The following HTR4 variants were observed in gnomAD, a reference collection of about 807,000 sequenced individuals.
HTR4 encodes the protein 5-hydroxytryptamine receptor 4, also known as 5-hydroxytryptamine (serotonin) receptor 4, G protein-coupled.
HTR4 carries 16 observed loss-of-function variants against 36.8 expected under a neutral mutation model. The observed-to-expected ratio is 0.43, with a 90% CI of 0.29 to 0.66. The LOEUF (loss-of-function observed/expected upper bound fraction) is 0.66, where lower values mean the gene tolerates loss of function less well. Ranked by LOEUF, HTR4 falls within the 30% of genes least tolerant of loss-of-function variation. The pLI is 0.13. For synonymous variants in HTR4, 189 were observed against 185.1 expected (o/e 1.02, Z -0.17); for missense variants, 438 against 490.9 (o/e 0.89, Z 1.02).
intron 2 of HTR4, among the ~76,000 whole-genome samples, chr5:148,592,698 C>T (rs1320859237): frequency 1.3e-5 from 2 of 152,038 alleles, no homozygotes; most frequent in East Asian, 3.8e-4. Context: ...TTCCAGCCAT[C>T]ATTTTTTGAA....
At chr5:148,605,464 G>A (rs1276944544) in intron 2 of HTR4, among the ~76,000 whole-genome samples, 1 of 151,352 alleles carries the variant, frequency 6.6e-6, no homozygotes, top group Non-Finnish European at 1.5e-5. Flanking sequence ...CACCATGTTG[G>A]CCAGGCTGGT....
chr5:148,466,913 G>A (rs1755444197), intron 5 of HTR4, among the ~76,000 whole-genome samples: 1 of 152,114 alleles, frequency 6.6e-6, no homozygotes, highest in Non-Finnish European at 1.5e-5. Flanking sequence ...AGCTCTCTTA[G>A]TGTTACCATC....
intron 3 of HTR4, among the ~76,000 whole-genome samples, chr5:148,549,347 T>C (rs1040035668): frequency 3.3e-5 from 5 of 152,202 alleles, no homozygotes; most frequent in Admixed American, 1.3e-4. Flanking sequence ...CTGGCTACTG[T>C]GTACTCACAT....
At chr5:148,582,452 C>A (rs1037350546) in intron 2 of HTR4, among the ~76,000 whole-genome samples, 1 of 149,740 alleles carries the variant, frequency 6.7e-6, no homozygotes, top group Admixed American at 6.6e-5. Flanking sequence ...CCTCCTTCAT[C>A]CCCCCTTCAT....
intron 2 of HTR4, among the ~76,000 whole-genome samples, chr5:148,608,120 G>A (rs1331646866): frequency 1.3e-5 from 2 of 152,108 alleles, no homozygotes; most frequent in East Asian, 3.9e-4. Context: ...TGAAGAGCTG[G>A]TTTATCAAGC....
chr5:148,628,472 T>C (rs1207801227), intron 2 of HTR4: 1 of 152,236 alleles, frequency 6.6e-6, no homozygotes, highest in Non-Finnish European at 1.5e-5. Context: ...TTCCTTTTAT[T>C]GTCGAAATCC....
intron 5 of HTR4, among the ~76,000 whole-genome samples, chr5:148,522,205 G>A (rs1758054752): frequency 6.6e-6 from 1 of 152,166 alleles, no homozygotes; most frequent in African/African-American, 2.4e-5. Flanking sequence ...GGAACTGTGA[G>A]TCCATTAAGC....
chr5:148,481,803 C>G lies in HTR4; in HGVS notation c.*1400G>C. On this transcript the variant is annotated 3_prime_UTR_variant, in exon 7 of 7. Transcript: ENST00000377888. ...CCCGGGACTTCTGCTATGGGGCATT[C>G]GCAAGAGCCACTGACTCAGCTTTGA... The G allele has an allele frequency of 7.4e-7, 1 of 1,353,176 alleles. No homozygotes were observed. The highest frequency in any genetic ancestry group is 9.4e-7 in the Non-Finnish European group (1 of 1,059,720). The allele number at this position is 1,353,176 out of a possible 1,614,324, so 83.8% of individuals were successfully genotyped here. A position where few individuals can be genotyped will look rare whatever the true frequency, so the allele number is the denominator to read the frequency against.
intron 5 of HTR4, among the ~76,000 whole-genome samples, chr5:148,469,439 T>A (rs1755511382): frequency 6.6e-6 from 1 of 152,204 alleles, no homozygotes; most frequent in South Asian, 2.1e-4. Flanking sequence ...ACGGTTCTGA[T>A]CTGACTACAC....
intron 6 of HTR4, among the ~76,000 whole-genome samples, chr5:148,494,204 C>G (rs578141835): frequency 2.0e-5 from 3 of 152,270 alleles, no homozygotes; most frequent in African/African-American, 7.2e-5. Context: ...TCCAGATGAA[C>G]AGTGAAGTAT....
At chr5:148,639,339 C>G (rs903390753) in intron 1 of HTR4, among the ~76,000 whole-genome samples, 26 of 152,046 alleles carry the variant, frequency 1.7e-4, no homozygotes, top group African/African-American at 6.3e-4. Flanking sequence ...CACTCTTCTC[C>G]AAACTCAACT....
At chr5:148,609,825 C>G (rs1283382908) in intron 2 of HTR4, among the ~76,000 whole-genome samples, 1 of 152,122 alleles carries the variant, frequency 6.6e-6, no homozygotes, top group African/African-American at 2.4e-5. Context: ...CTCAGCCTCC[C>G]AAAGTACTGG....
intron 6 of HTR4, among the ~76,000 whole-genome samples, chr5:148,501,210 T>A (rs1756920251): frequency 6.6e-6 from 1 of 152,102 alleles, no homozygotes; most frequent in South Asian, 2.1e-4. Flanking sequence ...AGTGAAAAGA[T>A]CTTCAAAATG....
intron 2 of HTR4, among the ~76,000 whole-genome samples, chr5:148,606,449 CA>C (rs200439944): frequency 1.1e-4 from 16 of 149,462 alleles, no homozygotes; most frequent in African/African-American, 2.2e-4. Flanking sequence ...ACATTGGTTT[CA>C]AAAAAAAATG....
At chr5:148,510,046 G>C in intron 5 of HTR4, 22 bp from the exon 6 acceptor site, 2 of 1,524,566 alleles carry the variant, frequency 1.3e-6, no homozygotes, top group Non-Finnish European at 9.0e-7. Context: ...AGGGAGAGAG[G>C]AAATGAGGAA....
chr5:148,558,715 C>A (rs1000362274), intron 2 of HTR4, among the ~76,000 whole-genome samples: 2 of 152,132 alleles, frequency 1.3e-5, no homozygotes, highest in Admixed American at 6.6e-5. Context: ...CCCTTCCCCC[C>A]ACTCTATTTC....
At chr5:148,465,183 C>A (rs1352598234) in intron 5 of HTR4, among the ~76,000 whole-genome samples, 2 of 152,018 alleles carry the variant, frequency 1.3e-5, no homozygotes, top group Non-Finnish European at 2.9e-5. Flanking sequence ...TTTGTCCAAG[C>A]CCACAGAATG....
At chr5:148,483,991 A>T (rs1756028133) in intron 6 of HTR4, among the ~76,000 whole-genome samples, 1 of 151,754 alleles carries the variant, frequency 6.6e-6, no homozygotes, top group South Asian at 2.1e-4. Flanking sequence ...GAGCCAAAAT[A>T]TAAACCATCA....
intron 5 of HTR4, among the ~76,000 whole-genome samples, chr5:148,461,036 A>G (rs1047425119): frequency 5.3e-5 from 8 of 152,104 alleles, no homozygotes; most frequent in Non-Finnish European, 1.0e-4. Context: ...AAAGTTGTAT[A>G]GTATCATTTG....
Sources: gnomAD v4.1 joint callset for allele counts (sites outside exome capture counted in the v4.1 genomes callset) on GRCh38, gnomAD v4.1.1 for gene constraint, MANE v1.5 for transcripts, NCBI Gene and HGNC (gene_info 2026-07-23, HGNC 2026-07-21) for gene names.